The following RFFL variants were observed in gnomAD, a reference collection of about 807,000 sequenced individuals.
RFFL encodes the protein E3 ubiquitin-protein ligase rififylin.
RFFL carries 16 observed loss-of-function variants against 40.4 expected under a neutral mutation model. That is an observed-to-expected ratio of 0.40 (90% CI 0.27 to 0.60). The LOEUF (loss-of-function observed/expected upper bound fraction) is 0.60. RFFL is among the 20% of genes least tolerant of loss of function. The pLI is 0.47. For missense variants in RFFL, 367 were observed against 451.7 expected, an observed-to-expected ratio of 0.81 and a Z score of 1.70; for synonymous variants, 154 against 167.9, an observed-to-expected ratio of 0.92 and a Z score of 0.64.
At chr17:35,016,633 T>G in intron 4 of RFFL, 53 bp from the exon 5 acceptor site, 2 of 1,461,420 alleles carry the variant, frequency 1.4e-6, no homozygotes, top group Non-Finnish European at 1.9e-6. Context: ...CCCCAAGCTC[T>G]TTCTCCAAGG....
chr17:35,067,496 G>A (rs1429347374), upstream of RFFL, among the ~76,000 whole-genome samples: 4 of 135,768 alleles, frequency 2.9e-5, no homozygotes, highest in Admixed American at 7.9e-5. Context: ...TCGCTCTGTC[G>A]CCCAGGTTGG....
chr17:35,064,910 C>T (rs62062384), upstream of RFFL, among the ~76,000 whole-genome samples: 12,329 of 152,254 alleles, frequency 0.081, 686 homozygotes, highest in Non-Finnish European at 0.12. Flanking sequence ...ACTTAATTCT[C>T]CTTAATTACA....
Position 35,072,584 on chromosome 17 carries a change from C to T in RFFL, c.-9+16521G>A, listed in dbSNP as rs565400436. ...AGAAAACTACACACACACACACACA[C>T]ATGCACACACACACAGAGCACCATG... On this transcript the variant is annotated intron_variant, in intron 1 of 6. Transcript: ENST00000315249. Among the ~76,000 whole-genome samples, 12 of 147,216 alleles carry T rather than the reference C, an allele frequency of 8.2e-5. 1 individual carries two copies. The South Asian group carries it at 1.7e-3, about 21-fold the overall frequency.
chr17:35,080,344 T>C (rs1178594672), intron 1 of RFFL, among the ~76,000 whole-genome samples: 1 of 152,168 alleles, frequency 6.6e-6, no homozygotes, highest in Non-Finnish European at 1.5e-5. Flanking sequence ...TTAATCATTA[T>C]GAAGGTAAAA....
chr17:35,022,830 C>T (rs1262271121), intron 2 of RFFL, among the ~76,000 whole-genome samples: 2 of 152,268 alleles, frequency 1.3e-5, no homozygotes, highest in Non-Finnish European at 2.9e-5. Flanking sequence ...GGGAGGCTGT[C>T]TGGACATCAG....
intron 1 of RFFL, among the ~76,000 whole-genome samples, chr17:35,030,381 A>G (rs1179173570): frequency 6.6e-6 from 1 of 151,244 alleles, no homozygotes; most frequent in Non-Finnish European, 1.5e-5. Flanking sequence ...AATGATTGCC[A>G]TTCTAACTGG....
rs965819667 is a variant in RFFL, at chr17:35,009,696, A to T, written c.*2272T>A. 6.6e-6 allele frequency: 1 copy of T among 152,200 alleles called. No individual in the cohort carries two copies. The highest frequency in any genetic ancestry group is 6.5e-5 in the Admixed American group (1 of 15,284). 9.4% of individuals were successfully genotyped at this position (152,200 alleles called of 1,614,324 possible). On this transcript the variant is annotated 3_prime_UTR_variant, in exon 7 of 7. Coordinates refer to ENST00000394597, the MANE Select transcript of RFFL (RefSeq NM_001017368.2). The stretch of plus-strand genomic sequence containing the variant: ...AAATGAGTAAACAACCTCAGTTTTA[A>T]TTCTTACTGAGGTTACTAACCAGCT...
Position 35,021,748 on chromosome 17 carries a change from T to C in RFFL, c.214A>G (p.Met72Val), listed in dbSNP as rs753639968. 4.3e-6 allele frequency: 7 copies of C among 1,614,188 alleles called. No individual in the cohort carries two copies. Among genetic ancestry groups the C allele is most frequent in the South Asian group, 2.2e-5 (2 of 91,090 alleles). The change falls in exon 3 of 7, where the codon ATG (methionine) becomes GTG (valine). Residue 72 changes from methionine (M) to valine (V), a missense_variant. Coordinates refer to ENST00000394597, the MANE Select transcript of RFFL (RefSeq NM_001017368.2). ...TTCCCTACTTGGCTCGAACAGGTCA[T>C]GCAAAAATTTTTCTTACAGTCCAAG... ...TCLDCKKNFC[M>V]TCSSQVGNGP...
At chr17:35,034,842 C>T (rs756150730) in intron 1 of RFFL, among the ~76,000 whole-genome samples, 3 of 152,138 alleles carry the variant, frequency 2.0e-5, no homozygotes, top group Middle Eastern at 3.4e-3. Context: ...AATGTACTTA[C>T]GAAGCACCAG....
chr17:35,061,404 G>C (rs962006100), intron 1 of RFFL, among the ~76,000 whole-genome samples: 1 of 152,014 alleles, frequency 6.6e-6, no homozygotes, highest in African/African-American at 2.4e-5. Flanking sequence ...AAGAGTACAG[G>C]CCTTCTCTCT....
rs1408980940 is a variant in RFFL, at chr17:35,007,871, CTT to C, written c.*4095_*4096del. 1 of 152,142 alleles carries C rather than the reference CTT, an allele frequency of 6.6e-6. No homozygotes were observed. Among genetic ancestry groups the C allele is most frequent in the African/African-American group, 2.4e-5 (1 of 41,410 alleles). The allele number at this position is 152,142 out of a possible 1,614,324, so 9.4% of individuals were successfully genotyped here. On this transcript the variant is annotated 3_prime_UTR_variant, in exon 7 of 7. Coordinates refer to ENST00000394597, the MANE Select transcript of RFFL (RefSeq NM_001017368.2). ...GCCTCAGCCTCCCAAGTGGCTAAGA[CTT>C]AACAAACAGGCACACACCATCACTC... is the stretch of plus-strand genomic sequence containing the variant.
chr17:35,012,100 C>T lies in RFFL; in HGVS notation c.960G>A (p.Met320Ile). ...GAAGAACACAGTCAATGGGTGAGTC[C>T]ATGCAGATCTTACACAGGTTCTCCT... ...GLEENLCKIC[M>I]DSPIDCVLLE... is the part of the protein sequence containing the mutation. Residue 320 changes from methionine (M) to isoleucine (I), a missense_variant, in exon 7 of 7, where the codon ATG becomes ATA. By Grantham distance (10) the Met-to-Ile change is conservative (BLOSUM62 1). Coordinates refer to ENST00000394597, the MANE Select transcript of RFFL (RefSeq NM_001017368.2). The T allele has an allele frequency of 1.9e-6, 3 of 1,614,182 alleles. No individual in the cohort carries two copies. Among genetic ancestry groups the T allele is most frequent in the Non-Finnish European group, 2.5e-6 (3 of 1,180,038 alleles).
upstream of RFFL, among the ~76,000 whole-genome samples, chr17:35,064,508 T>C (rs1355357014): frequency 6.6e-6 from 1 of 150,538 alleles, no homozygotes; most frequent in Non-Finnish European, 1.5e-5. Context: ...TATTAATTAC[T>C]GAATTTGCCC....
intron 6 of RFFL, among the ~76,000 whole-genome samples, chr17:35,013,029 C>T (rs1309053674): frequency 6.6e-6 from 1 of 152,228 alleles, no homozygotes; most frequent in East Asian, 1.9e-4. Flanking sequence ...TTACTGAATG[C>T]TTACCGTGTG....
chr17:35,080,006 A>G (rs2142385852), intron 1 of RFFL, among the ~76,000 whole-genome samples: 1 of 152,266 alleles, frequency 6.6e-6, no homozygotes, highest in Non-Finnish European at 1.5e-5. Context: ...CTGCTTGCAC[A>G]TAATTTTAGC....
intron 1 of RFFL, among the ~76,000 whole-genome samples, chr17:35,045,272 G>A (rs1026353659): frequency 5.3e-5 from 8 of 151,062 alleles, no homozygotes; most frequent in Non-Finnish European, 1.2e-4. Context: ...TCACTCTGTC[G>A]TCCAGGCTAG....
At chr17:35,075,992 T>A (rs1264943231) in intron 1 of RFFL, among the ~76,000 whole-genome samples, 1 of 139,794 alleles carries the variant, frequency 7.2e-6, no homozygotes, top group African/African-American at 2.7e-5. Flanking sequence ...TATTCTTTTT[T>A]TTTTTTTTTT....
intron 1 of RFFL, among the ~76,000 whole-genome samples, chr17:35,063,253 C>T (rs2091303572): frequency 6.6e-6 from 1 of 151,730 alleles, no homozygotes; most frequent in Admixed American, 6.6e-5. Context: ...CTTGGGAGTT[C>T]GAAACCAGAC....
At chr17:35,088,992 A>T (rs2091444890) in intron 1 of RFFL, 1 of 152,040 alleles carries the variant, frequency 6.6e-6, no homozygotes, top group Non-Finnish European at 1.5e-5. Context: ...CGCGCCCCAC[A>T]CAGAGGAAGG....
Sources: allele counts gnomAD v4.1 joint callset (sites outside exome capture counted in the v4.1 genomes callset), GRCh38; gene constraint gnomAD v4.1.1; transcripts MANE v1.5; gene names NCBI Gene and HGNC (gene_info 2026-07-23, HGNC 2026-07-21).